The following MIDEAS variants were observed in gnomAD, a reference collection of about 807,000 sequenced individuals.
MIDEAS encodes the protein mitotic deacetylase-associated SANT domain protein.
In MIDEAS, 26 loss-of-function variants were observed where a neutral mutation model predicts 102.7. That is an observed-to-expected ratio of 0.25 (90% CI 0.19 to 0.35). The LOEUF (loss-of-function observed/expected upper bound fraction) is 0.35. Among genes scored for constraint, MIDEAS ranks in the 10% least tolerant of loss-of-function variants. The pLI, the probability that MIDEAS is intolerant of heterozygous loss-of-function variation, is 1.00. For synonymous variants in MIDEAS, 585 were observed against 591.0 expected (o/e 0.99, Z 0.15); for missense variants, 1,231 against 1,435.6 (o/e 0.86, Z 2.30).
rs779720330 is a variant in MIDEAS, at chr14:73,740,013, T to C, written c.-5A>G. The C allele has an allele frequency of 1.0e-5, 15 of 1,481,114 alleles. No individual in the cohort carries two copies. The highest frequency in any genetic ancestry group is 2.4e-5 in the Admixed American group (1 of 41,682). 91.7% of individuals were successfully genotyped at this position (1,481,114 alleles called of 1,614,324 possible). A position where few individuals can be genotyped will look rare whatever the true frequency, so the allele number is the denominator to read the frequency against. ...GGGCTGGGCCTGGAGGTTCATGATGTGGCCAACTGAGCCCTGGCGGTGAGA... is the reference window on the plus strand; with the variant it reads ...GGGCTGGGCCTGGAGGTTCATGATGCGGCCAACTGAGCCCTGGCGGTGAGA... On this transcript the variant is annotated 5_prime_UTR_variant, in exon 2 of 13. Transcript: ENST00000423556.
chr14:73,733,245 T>C (rs568613539), intron 3 of MIDEAS, among the ~76,000 whole-genome samples: 1 of 152,330 alleles, frequency 6.6e-6, no homozygotes, highest in South Asian at 2.1e-4. Flanking sequence ...GGCTGGTCCT[T>C]ATATGGAATA....
In MIDEAS at chr14:73,740,257, T is replaced by G; in HGVS notation, c.-247-2A>C. ...TGATGCTCCACAGGGTTCTGGCACC[T>G]GCAGAGGGAAGAGCAGTGACAGTGT... On this transcript the variant is annotated splice_acceptor_variant, in intron 1 of 12. Transcript: ENST00000423556. LOFTEE classifies it low-confidence loss of function (5UTR_SPLICE). The G allele has an allele frequency of 2.4e-6, 1 of 419,244 alleles. No homozygotes were observed. The highest frequency in any genetic ancestry group is 4.1e-6 in the Non-Finnish European group (1 of 243,826). 26.0% of individuals were successfully genotyped at this position (419,244 alleles called of 1,614,324 possible).
rs548458586 is a variant in MIDEAS, at chr14:73,747,384, C to T, written c.-247-7129G>A. On this transcript the variant is annotated intron_variant, in intron 1 of 12. Coordinates refer to ENST00000423556, the MANE Select transcript of MIDEAS (RefSeq NM_001367710.1). ...GACCTGTATCCAGGGACCAAAGAAA[C>T]ACCTTTGTAAAAAGCAAGTGCCACC... 5.3e-5 allele frequency among the ~76,000 whole-genome samples: 8 copies of T among 152,290 alleles called. No individual in the cohort carries two copies. In the East Asian group the frequency reaches 1.5e-3, roughly 29 times the overall value.
intron 1 of MIDEAS, among the ~76,000 whole-genome samples, chr14:73,740,670 CTAGCCCCCTGGGCAGCCAGGCCTA>C (rs2053270980): frequency 6.6e-6 from 1 of 152,274 alleles, no homozygotes; most frequent in Admixed American, 6.5e-5. Context: ...TACCCAGGCC[CTAGCCCCCTGGGCAGCCAGGCCTA>C]GTCCTCCTGG....
At chr14:73,751,835 G>A (rs1160112288) in intron 1 of MIDEAS, among the ~76,000 whole-genome samples, 1 of 152,192 alleles carries the variant, frequency 6.6e-6, no homozygotes, top group Non-Finnish European at 1.5e-5. Flanking sequence ...AGGAGGCAGA[G>A]GTTGCAGTGA....
chr14:73,735,686 A>G (rs2053191207), intron 3 of MIDEAS, among the ~76,000 whole-genome samples: 1 of 152,236 alleles, frequency 6.6e-6, no homozygotes. Flanking sequence ...AGCAAGCAAG[A>G]TATCAGACAA....
In MIDEAS at chr14:73,722,691, G is replaced by C. The variant is rs369723228; in HGVS notation, c.2724+7C>G. The C allele has an allele frequency of 2.5e-6, 4 of 1,613,582 alleles. No homozygotes were observed. Among genetic ancestry groups the C allele is most frequent in the Non-Finnish European group, 3.4e-6 (4 of 1,179,612 alleles). On this transcript the variant is annotated splice_region_variant and intron_variant, in intron 10 of 12. Transcript: ENST00000423556. The stretch of plus-strand genomic sequence containing the variant: ...CTCTATGCAGCTGAGGTTGGAAAAG[G>C]AGTCACCTTAATATCCACTTCAACC...
At chr14:73,779,983 C>T (rs1181085291) in intron 1 of MIDEAS, among the ~76,000 whole-genome samples, 6 of 151,226 alleles carry the variant, frequency 4.0e-5, no homozygotes, top group Non-Finnish European at 8.9e-5. Context: ...CACCATTCTC[C>T]CGACTCAGCC....
chr14:73,773,346 G>A (rs2053659037), intron 1 of MIDEAS, among the ~76,000 whole-genome samples: 1 of 151,824 alleles, frequency 6.6e-6, no homozygotes, highest in African/African-American at 2.4e-5. Flanking sequence ...ATTTTCCAGG[G>A]AGAGATGACG....
Position 73,740,124 on chromosome 14 carries a change from GGCA to G in MIDEAS, c.-119_-117del. On this transcript the variant is annotated 5_prime_UTR_variant, in exon 2 of 13. Coordinates refer to ENST00000423556, the MANE Select transcript of MIDEAS (RefSeq NM_001367710.1). ...CAGGAGCCAGGGAGGGCAGAGCAGG[GGCA>G]GAGGAAGACGCTGGACAGTGAGGTC... The G allele has an allele frequency of 7.5e-7, 1 of 1,336,878 alleles. No homozygotes were observed. Among genetic ancestry groups the G allele is most frequent in the South Asian group, 2.1e-5 (1 of 48,068 alleles). The allele number at this position is 1,336,878 out of a possible 1,614,324, so 82.8% of individuals were successfully genotyped here. A position where few individuals can be genotyped will look rare whatever the true frequency, so the allele number is the denominator to read the frequency against.
intron 1 of MIDEAS, among the ~76,000 whole-genome samples, chr14:73,745,986 G>A (rs1457138857): frequency 6.6e-6 from 1 of 152,196 alleles, no homozygotes; most frequent in Non-Finnish European, 1.5e-5. Flanking sequence ...AGAGAGTCAC[G>A]AGTCCCAGGG....
intron 2 of MIDEAS, among the ~76,000 whole-genome samples, chr14:73,737,835 G>A (rs2053223215): frequency 7.1e-6 from 1 of 140,134 alleles, no homozygotes; most frequent in Admixed American, 7.6e-5. Context: ...AGGTTGTAGT[G>A]CAGTGGCACA....
rs944478773 is a variant in MIDEAS, at chr14:73,742,195, G to A, written c.-247-1940C>T. On this transcript the variant is annotated intron_variant, in intron 1 of 12. Transcript: ENST00000423556. This position sits in a 1 kb window ranked among gnomAD's most constrained non-coding sequence, Gnocchi z 4.4. Reference sequence around the variant, plus strand: ...CAAGACAGAGAAAGGAAGAATGTGCGCCAGCCTGGCAAGCCCACGTGCCTC... The same window carrying A: ...CAAGACAGAGAAAGGAAGAATGTGCACCAGCCTGGCAAGCCCACGTGCCTC... Among the ~76,000 whole-genome samples the A allele has an allele frequency of 2.0e-5, 3 of 152,242 alleles. No individual in the cohort carries two copies. Among genetic ancestry groups the A allele is most frequent in the Non-Finnish European group, 2.9e-5 (2 of 68,036 alleles).
At chr14:73,789,791 G>A (rs1219123579), upstream of MIDEAS, 2 of 152,208 alleles carry the variant, frequency 1.3e-5, no homozygotes, top group Non-Finnish European at 2.9e-5. Context: ...CTCCTGCTTG[G>A]TCCCAGGCAG....
chr14:73,720,814 T>C (rs2052979521), intron 11 of MIDEAS, among the ~76,000 whole-genome samples: 1 of 152,192 alleles, frequency 6.6e-6, no homozygotes, highest in Non-Finnish European at 1.5e-5. Flanking sequence ...AATGAGATAA[T>C]GGAAATGAAA....
At chr14:73,749,833 C>T (rs577841596) in intron 1 of MIDEAS, among the ~76,000 whole-genome samples, 1 of 152,288 alleles carries the variant, frequency 6.6e-6, no homozygotes, top group African/African-American at 2.4e-5. Context: ...CTCCTCAGCC[C>T]ATGTTCTCCA....
Position 73,718,691 on chromosome 14 carries a change from G to C in MIDEAS, c.*152C>G. The C allele has an allele frequency of 1.3e-6, 1 of 770,894 alleles. No homozygotes were observed. The allele number at this position is 770,894 out of a possible 1,614,324, so 47.8% of individuals were successfully genotyped here. On this transcript the variant is annotated 3_prime_UTR_variant, in exon 13 of 13. Transcript: ENST00000423556. ...GCTCCCAGGGCCTTCATAAATAAAAGAGCCGTTTATGTCATTGTCTCATTT... is the reference window on the plus strand; with the variant it reads ...GCTCCCAGGGCCTTCATAAATAAAACAGCCGTTTATGTCATTGTCTCATTT...
Position 73,719,123 on chromosome 14 carries a change from G to A in MIDEAS, c.3135-115C>T, listed in dbSNP as rs180995835. On this transcript the variant is annotated intron_variant, in intron 12 of 12. Transcript: ENST00000423556. ...ACCCCCACGCTGCACAGCCGCGGCC[G>A]GCCAGCTCGCGTCATTTTCCGAAAG... 6.4e-5 allele frequency: 94 copies of A among 1,461,076 alleles called. No homozygotes were observed. The South Asian group carries it at 1.1e-3, about 17-fold the overall frequency. 90.5% of individuals were successfully genotyped at this position (1,461,076 alleles called of 1,614,324 possible). A position where few individuals can be genotyped will look rare whatever the true frequency, so the allele number is the denominator to read the frequency against.
chr14:73,725,286 G>A lies in MIDEAS; in HGVS notation c.2560C>T (p.Leu854=). 3.1e-6 allele frequency: 5 copies of A among 1,613,958 alleles called. No homozygotes were observed. Among genetic ancestry groups the A allele is most frequent in the Non-Finnish European group, 4.2e-6 (5 of 1,179,862 alleles). ...GIAIYKKDFF[L]VQKLIQTKTV... ...GCCCAGCTCACCAGCTTCTGCACCA[G>A]GAAGAAATCCTTCTTGTAGATGGCA... The change falls in exon 9 of 13, where the codon CTG becomes TTG. Residue 854 remains leucine, a synonymous_variant. Coordinates refer to ENST00000423556, the MANE Select transcript of MIDEAS (RefSeq NM_001367710.1). This position sits in a 1 kb window ranked among gnomAD's most constrained non-coding sequence, Gnocchi z 4.1.
Sources: gnomAD v4.1 joint callset for allele counts (sites outside exome capture counted in the v4.1 genomes callset) on GRCh38, gnomAD v4.1.1 for gene constraint, Gnocchi (gnomAD v3.1) non-coding constraint, MANE v1.5 for transcripts, NCBI Gene and HGNC (gene_info 2026-07-23, HGNC 2026-07-21) for gene names.